MVB12B: variants seen among roughly 807,000 people sequenced by gnomAD.
The protein encoded by MVB12B is multivesicular body subunit 12B, also known as ESCRT-I complex subunit MVB12B.
MVB12B carries 16 observed loss-of-function variants against 41.6 expected under a neutral mutation model. That is an observed-to-expected ratio of 0.38 (90% CI 0.26 to 0.58). The LOEUF (loss-of-function observed/expected upper bound fraction) is 0.58. Among genes scored for constraint, MVB12B ranks in the 20% least tolerant of loss-of-function variants. The probability of loss-of-function intolerance (pLI) is 0.62; values close to 1 mark genes in which losing one functional copy is unlikely to be tolerated. For synonymous variants in MVB12B, 133 were observed against 139.7 expected (o/e 0.95, Z 0.34); for missense variants, 274 against 380.2 (o/e 0.72, Z 2.32).
chr9:126,385,828 C>T lies in MVB12B; in HGVS notation c.313-734C>T, dbSNP rs958381976. 2.0e-5 allele frequency among the ~76,000 whole-genome samples: 3 copies of T among 152,300 alleles called. No individual in the cohort carries two copies. In the South Asian group the frequency reaches 6.2e-4, roughly 32 times the overall value. ...GGGTAGATATCTTTAGAGCTCATTT[C>T]CAGCTTGAAATGTGGGCTGCAAGTG... is the stretch of plus-strand genomic sequence containing the variant. On this transcript the variant is annotated intron_variant, in intron 3 of 9. Transcript: ENST00000361171.
chr9:126,463,850 ATCTTAAGCAAAATT>A (rs1370893761), intron 7 of MVB12B, among the ~76,000 whole-genome samples: 6 of 152,092 alleles, frequency 3.9e-5, no homozygotes, highest in Admixed American at 3.3e-4. Flanking sequence ...TCTTTTTGAA[ATCTTAAGCAAAATT>A]TATAACAAGG....
chr9:126,491,498 T>G (rs535522575), intron 9 of MVB12B, among the ~76,000 whole-genome samples: 6 of 152,316 alleles, frequency 3.9e-5, no homozygotes, highest in East Asian at 1.9e-4. Context: ...TGGTAGGATC[T>G]TAAACTGCAG....
chr9:126,392,327 G>C lies in MVB12B; in HGVS notation c.539+132G>C. On this transcript the variant is annotated intron_variant, in intron 5 of 9. Coordinates refer to ENST00000361171, the MANE Select transcript of MVB12B (RefSeq NM_033446.3). The surrounding 1 kb of genome is among the most constrained non-coding windows in gnomAD (Gnocchi z 4.8). ...AGCCATGGGCCTCTGTCAGCCCAGT[G>C]CTCCTCGCTGCCCTTCCTGCTCAGC... 1 of 1,041,310 alleles carries C rather than the reference G, an allele frequency of 9.6e-7. No homozygotes were observed. Among genetic ancestry groups the C allele is most frequent in the South Asian group, 1.5e-5 (1 of 65,474 alleles). The allele number at this position is 1,041,310 out of a possible 1,614,324, so 64.5% of individuals were successfully genotyped here. A position where few individuals can be genotyped will look rare whatever the true frequency, so the allele number is the denominator to read the frequency against.
At chr9:126,413,355 G>A (rs1366640875) in intron 6 of MVB12B, among the ~76,000 whole-genome samples, 1 of 152,072 alleles carries the variant, frequency 6.6e-6, no homozygotes, top group Non-Finnish European at 1.5e-5. Flanking sequence ...GAGTAGGGGG[G>A]GTCTCAGCAA....
chr9:126,429,239 G>A (rs1237591370), intron 7 of MVB12B, among the ~76,000 whole-genome samples: 2 of 152,092 alleles, frequency 1.3e-5, no homozygotes, highest in Admixed American at 1.3e-4. Flanking sequence ...CTCTTGCCCT[G>A]ACTGACAACA....
chr9:126,373,646 G>A (rs768346695), intron 2 of MVB12B, among the ~76,000 whole-genome samples: 1 of 152,218 alleles, frequency 6.6e-6, no homozygotes, highest in Non-Finnish European at 1.5e-5. Context: ...TTGGCAAGGA[G>A]CACTCAATTC....
intron 2 of MVB12B, among the ~76,000 whole-genome samples, chr9:126,368,096 A>G (rs972041977): frequency 2.0e-5 from 3 of 152,244 alleles, no homozygotes; most frequent in Non-Finnish European, 4.4e-5. Context: ...CAACGCCGAT[A>G]CTTGGCATTG....
At position 126,503,165 on chromosome 9, in the gene MVB12B, C is replaced by G. The variant is rs375748993; in HGVS notation, c.874-12C>G. On this transcript the variant is annotated splice_polypyrimidine_tract_variant and intron_variant, in intron 9 of 9. Transcript: ENST00000361171. ...ACTGACTGTGTCTCTCTGTCCCCAC[C>G]CGCCCCTGCAGTACGAGTACAGCTT... 1.1e-4 allele frequency: 167 copies of G among 1,549,082 alleles called. No homozygotes were observed. The highest frequency in any genetic ancestry group is 2.2e-4 in the Admixed American group (11 of 50,990).
In MVB12B at chr9:126,461,299, G is replaced by A. The variant is rs901796992; in HGVS notation, c.758-20070G>A. Among the ~76,000 whole-genome samples, 4 of 152,300 alleles carry A rather than the reference G, an allele frequency of 2.6e-5. No homozygotes were observed. In the South Asian group the frequency reaches 8.3e-4, roughly 32 times the overall value. On this transcript the variant is annotated intron_variant, in intron 7 of 9. Coordinates refer to ENST00000361171, the MANE Select transcript of MVB12B (RefSeq NM_033446.3). ...TTGCTCTCTGTTGTCTTTGAATCAC[G>A]CTGCTGGAGAGGAGCTTGCGTAGAT...
chr9:126,482,408 A>G (rs1179080382), intron 8 of MVB12B, among the ~76,000 whole-genome samples: 3 of 152,256 alleles, frequency 2.0e-5, no homozygotes, highest in African/African-American at 7.2e-5. Context: ...GTGAAATAGA[A>G]TAGGCCTCCT....
At chr9:126,349,113 C>G (rs187146933) in intron 2 of MVB12B, among the ~76,000 whole-genome samples, 7 of 151,972 alleles carry the variant, frequency 4.6e-5, no homozygotes, top group Admixed American at 2.6e-4. Flanking sequence ...CAGGGAGAAA[C>G]GAGCCAGGAA....
intron 6 of MVB12B, among the ~76,000 whole-genome samples, chr9:126,414,918 T>C (rs4837080): frequency 0.87 from 132,890 of 151,996 alleles, 58,258 homozygotes; most frequent in East Asian, 1. Flanking sequence ...TTGGTAGAGA[T>C]GGGGTTTCAC....
At chr9:126,494,863 A>ACCCCC (rs200929920) in intron 9 of MVB12B, among the ~76,000 whole-genome samples, 5 of 146,114 alleles carry the variant, frequency 3.4e-5, no homozygotes, top group African/African-American at 5.1e-5. Flanking sequence ...ACCAGGGAGC[A>ACCCCC]CCCCACCCCC....
chr9:126,502,870 G>A (rs368723978), intron 9 of MVB12B, among the ~76,000 whole-genome samples: 3 of 152,208 alleles, frequency 2.0e-5, no homozygotes, highest in East Asian at 1.9e-4. Flanking sequence ...GGGCGGCACC[G>A]TGGTTTTACA....
intron 6 of MVB12B, among the ~76,000 whole-genome samples, chr9:126,420,792 C>T (rs964120736): frequency 2.0e-5 from 3 of 151,962 alleles, no homozygotes; most frequent in Non-Finnish European, 4.4e-5. Flanking sequence ...ATCTACCCAC[C>T]TCGGCCTCCC....
At chr9:126,490,626 CG>C (rs1833712920) in intron 9 of MVB12B, among the ~76,000 whole-genome samples, 1 of 152,150 alleles carries the variant, frequency 6.6e-6, no homozygotes, top group Non-Finnish European at 1.5e-5. Context: ...ACTTTAAAGC[CG>C]AAAGATGAGG....
chr9:126,502,609 C>G (rs1190974565), intron 9 of MVB12B, among the ~76,000 whole-genome samples: 2 of 152,114 alleles, frequency 1.3e-5, no homozygotes, highest in Non-Finnish European at 2.9e-5. Flanking sequence ...CCTCTGAGGA[C>G]TCTGTGAGGA....
chr9:126,471,924 G>A (rs551894616), intron 7 of MVB12B, among the ~76,000 whole-genome samples: 7 of 151,976 alleles, frequency 4.6e-5, no homozygotes, highest in South Asian at 2.1e-4. Flanking sequence ...ACTTAACACC[G>A]CTTGACAACT....
At chr9:126,439,477 G>A (rs1832578327) in intron 7 of MVB12B, among the ~76,000 whole-genome samples, 1 of 152,146 alleles carries the variant, frequency 6.6e-6, no homozygotes, top group Non-Finnish European at 1.5e-5. Context: ...GAATATTTTT[G>A]GTTAAACTCT....
Sources: gnomAD v4.1 joint callset for allele counts (sites outside exome capture counted in the v4.1 genomes callset) on GRCh38, gnomAD v4.1.1 for gene constraint, Gnocchi (gnomAD v3.1) non-coding constraint, MANE v1.5 for transcripts, NCBI Gene and HGNC (gene_info 2026-07-23, HGNC 2026-07-21) for gene names.